The following CLSTN2 variants were observed in gnomAD, a reference collection of about 807,000 sequenced individuals.
CLSTN2 encodes the protein calsyntenin-2.
CLSTN2 carries 48 observed loss-of-function variants against 101.2 expected under a neutral mutation model. That is an observed-to-expected ratio of 0.47 (90% CI 0.38 to 0.60). The LOEUF (loss-of-function observed/expected upper bound fraction) is 0.60. Among genes scored for constraint, CLSTN2 ranks in the 20% least tolerant of loss-of-function variants. The pLI is 0.00. For missense variants in CLSTN2, 1,160 were observed against 1,238.2 expected, an observed-to-expected ratio of 0.94 and a Z score of 0.95; for synonymous variants, 481 against 463.6, an observed-to-expected ratio of 1.04 and a Z score of -0.48.
intron 1 of CLSTN2, among the ~76,000 whole-genome samples, chr3:139,938,927 A>G: frequency 6.9e-6 from 1 of 144,638 alleles, no homozygotes; most frequent in African/African-American, 2.6e-5. Flanking sequence ...CACCCCTCCC[A>G]CCCCTACCTT....
chr3:140,447,852 A>G (rs546561632), intron 5 of CLSTN2, among the ~76,000 whole-genome samples: 5 of 152,344 alleles, frequency 3.3e-5, no homozygotes, highest in African/African-American at 1.2e-4. Context: ...TTGCACAAGT[A>G]CTACAATAAG....
chr3:140,566,820 C>CTCTG lies in CLSTN2; in HGVS notation c.*571_*574dup. 1 of 155,972 alleles carries CTCTG rather than the reference C, an allele frequency of 6.4e-6. No homozygotes were observed. The highest frequency in any genetic ancestry group is 1.4e-5 in the Non-Finnish European group (1 of 70,150). The allele number at this position is 155,972 out of a possible 1,614,324, so 9.7% of individuals were successfully genotyped here. A position where few individuals can be genotyped will look rare whatever the true frequency, so the allele number is the denominator to read the frequency against. On this transcript the variant is annotated 3_prime_UTR_variant, in exon 17 of 17. Transcript: ENST00000458420. ...ACACACATTCTCTCTCTCTCTCTCT[C>CTCTG]TCTGTCTATCTAGTTCCCCAGCTTG...
intron 1 of CLSTN2, among the ~76,000 whole-genome samples, chr3:140,117,692 A>C (rs555592111): frequency 6.6e-6 from 1 of 152,330 alleles, no homozygotes; most frequent in African/African-American, 2.4e-5. Context: ...CCCCTCCAGG[A>C]ACTTTCATAG....
chr3:140,360,173 C>CT (rs1254597339), intron 2 of CLSTN2, among the ~76,000 whole-genome samples: 1 of 152,084 alleles, frequency 6.6e-6, no homozygotes, highest in African/African-American at 2.4e-5. Flanking sequence ...GTAATCGTTC[C>CT]TTTTTTCTCT....
chr3:140,425,153 C>T (rs552759116), intron 5 of CLSTN2, among the ~76,000 whole-genome samples: 1 of 152,330 alleles, frequency 6.6e-6, no homozygotes, highest in African/African-American at 2.4e-5. Flanking sequence ...CAATCCATTA[C>T]ACGCAAGAGC....
intron 1 of CLSTN2, among the ~76,000 whole-genome samples, chr3:140,172,169 C>G (rs2010248416): frequency 7.4e-6 from 1 of 135,818 alleles, no homozygotes; most frequent in Admixed American, 9.3e-5. Context: ...CCCCTCTAAC[C>G]TGTTATTTTG....
At chr3:140,416,385 A>G (rs1183333096) in intron 4 of CLSTN2, among the ~76,000 whole-genome samples, 1 of 152,176 alleles carries the variant, frequency 6.6e-6, no homozygotes, top group Non-Finnish European at 1.5e-5. Flanking sequence ...ACAAACACAC[A>G]CACACACACA....
intron 10 of CLSTN2, among the ~76,000 whole-genome samples, chr3:140,552,889 A>C (rs1156659372): frequency 6.6e-6 from 1 of 152,228 alleles, no homozygotes; most frequent in Non-Finnish European, 1.5e-5. Flanking sequence ...GAAGAGGAGC[A>C]GAAAAACCTT....
intron 1 of CLSTN2, among the ~76,000 whole-genome samples, chr3:139,942,529 A>C (rs1357475388): frequency 5.3e-5 from 8 of 152,180 alleles, no homozygotes; most frequent in Non-Finnish European, 1.0e-4. Context: ...TAGATAACAA[A>C]GTGGATAAGA....
At chr3:140,361,768 C>G (rs763723688) in intron 2 of CLSTN2, among the ~76,000 whole-genome samples, 33 of 151,914 alleles carry the variant, frequency 2.2e-4, no homozygotes, top group Non-Finnish European at 4.4e-4. Context: ...ATAAATTTAA[C>G]AAAAGAAGTA....
chr3:140,424,260 CCT>C (rs1489919434), intron 5 of CLSTN2, among the ~76,000 whole-genome samples: 3 of 152,212 alleles, frequency 2.0e-5, no homozygotes, highest in Non-Finnish European at 4.4e-5. Flanking sequence ...TCTGGGATGT[CCT>C]CTCTCTCAGT....
At chr3:140,329,700 G>T (rs911610965) in intron 2 of CLSTN2, among the ~76,000 whole-genome samples, 3 of 152,178 alleles carry the variant, frequency 2.0e-5, no homozygotes, top group Non-Finnish European at 4.4e-5. Context: ...TCCAAGCTCT[G>T]ATCAATGGTC....
At chr3:140,392,921 G>A (rs114980391) in intron 2 of CLSTN2, among the ~76,000 whole-genome samples, 2,510 of 152,032 alleles carry the variant, frequency 0.017, 72 homozygotes, top group African/African-American at 0.058. Flanking sequence ...CCTTCTTGCC[G>A]GTGGGGACTC....
chr3:140,524,610 A>G (rs1244687680), intron 8 of CLSTN2, among the ~76,000 whole-genome samples: 1 of 152,212 alleles, frequency 6.6e-6, no homozygotes, highest in Admixed American at 6.5e-5. Flanking sequence ...ACATCTACAG[A>G]CTACTCCACC....
chr3:139,946,678 C>T (rs1935220392), intron 1 of CLSTN2, among the ~76,000 whole-genome samples: 1 of 152,144 alleles, frequency 6.6e-6, no homozygotes, highest in Admixed American at 6.5e-5. Context: ...AGATGGAGGG[C>T]AAGGATCAGC....
chr3:140,054,941 C>A (rs2008071752), intron 1 of CLSTN2, among the ~76,000 whole-genome samples: 1 of 152,194 alleles, frequency 6.6e-6, no homozygotes, highest in Non-Finnish European at 1.5e-5. Context: ...TTGATTTCCA[C>A]CCAACTTCTC....
rs183020405 is a variant in CLSTN2, at chr3:140,344,861, C to T, written c.233-58768C>T. On this transcript the variant is annotated intron_variant, in intron 2 of 16. Transcript: ENST00000458420. ...GTGCTTAGAGGTTTTGAAGAGCAAA[C>T]GCATGCTGTGTTAGTGGTGCTGGGT... is the stretch of plus-strand genomic sequence containing the variant. Among the ~76,000 whole-genome samples, 1,026 of 152,310 alleles carry T rather than the reference C, an allele frequency of 6.7e-3. 5 individuals are homozygous for T. The highest frequency in any genetic ancestry group is 0.011 in the Non-Finnish European group (744 of 68,024).
rs2350507 is a variant in CLSTN2 at position 140,217,155 on chromosome 3, T to C, written c.232+41082T>C. 8.6e-3 allele frequency among the ~76,000 whole-genome samples: 1,306 copies of C among 152,336 alleles called. 13 individuals carry two copies. The highest frequency in any genetic ancestry group is 0.016 in the Non-Finnish European group (1,095 of 68,032). On this transcript the variant is annotated intron_variant, in intron 2 of 16. Transcript: ENST00000458420. ...TACACACGCCCAAATCTTCTGACTT[T>C]ACAGTTTCCCTAGGAGTTTGCTCTG...
At chr3:140,258,250 T>C (rs2086620104) in intron 2 of CLSTN2, among the ~76,000 whole-genome samples, 2 of 152,228 alleles carry the variant, frequency 1.3e-5, no homozygotes, top group Non-Finnish European at 1.5e-5. Flanking sequence ...TGTGGAAACT[T>C]CCATCTTCCA....
Sources: gnomAD v4.1 joint callset for allele counts (sites outside exome capture counted in the v4.1 genomes callset) on GRCh38, gnomAD v4.1.1 for gene constraint, MANE v1.5 for transcripts, NCBI Gene and HGNC (gene_info 2026-07-23, HGNC 2026-07-21) for gene names.